The following EPB41L4A variants were observed in gnomAD, a reference collection of about 807,000 sequenced individuals.
EPB41L4A encodes erythrocyte membrane protein band 4.1 like 4A.
Under a neutral mutation model 108.6 loss-of-function variants are expected in EPB41L4A, and 100 were observed. That is an observed-to-expected ratio of 0.92 (90% confidence interval 0.78 to 1.09). EPB41L4A has a LOEUF of 1.09. Ranked by LOEUF, EPB41L4A falls within the 50% of genes least tolerant of loss-of-function variation. EPB41L4A has a pLI of 0.00. For missense variants in EPB41L4A, 1,030 were observed against 842.7 expected, an observed-to-expected ratio of 1.22 and a Z score of -2.75; for synonymous variants, 319 against 289.0, an observed-to-expected ratio of 1.10 and a Z score of -1.05.
intron 1 of EPB41L4A, among the ~76,000 whole-genome samples, chr5:112,311,879 G>C (rs1472792949): frequency 5.3e-5 from 8 of 152,194 alleles, no homozygotes; most frequent in African/African-American, 9.6e-5. Context: ...TCTAGGCACA[G>C]AGAGAAACAG....
chr5:112,231,926 A>C (rs1748984386), intron 12 of EPB41L4A, among the ~76,000 whole-genome samples: 1 of 151,454 alleles, frequency 6.6e-6, no homozygotes, highest in Non-Finnish European at 1.5e-5. Context: ...TAAACACAGC[A>C]AGACCCCATC....
chr5:112,293,106 G>A (rs1414995032), intron 2 of EPB41L4A, among the ~76,000 whole-genome samples: 1 of 151,932 alleles, frequency 6.6e-6, no homozygotes, highest in Non-Finnish European at 1.5e-5. Context: ...ATGGATATAT[G>A]GATATATATA....
intron 2 of EPB41L4A, among the ~76,000 whole-genome samples, chr5:112,288,033 G>A (rs749018197): frequency 1.1e-4 from 17 of 152,188 alleles, no homozygotes; most frequent in Non-Finnish European, 2.9e-5. Flanking sequence ...GGCAAACAAT[G>A]CTGCAATTAA....
At chr5:112,270,392 G>C (rs1052567782) in intron 4 of EPB41L4A, among the ~76,000 whole-genome samples, 2 of 152,148 alleles carry the variant, frequency 1.3e-5, no homozygotes, top group African/African-American at 2.4e-5. Context: ...CAGGAACACA[G>C]CATTTTATCT....
At chr5:112,289,778 G>T (rs1391484013) in intron 2 of EPB41L4A, among the ~76,000 whole-genome samples, 2 of 152,182 alleles carry the variant, frequency 1.3e-5, no homozygotes, top group Non-Finnish European at 2.9e-5. Flanking sequence ...ACACTAAGTA[G>T]AACAGACATG....
At chr5:112,237,611 G>T (rs932637449) in intron 11 of EPB41L4A, among the ~76,000 whole-genome samples, 1 of 152,158 alleles carries the variant, frequency 6.6e-6, no homozygotes, top group Non-Finnish European at 1.5e-5. Flanking sequence ...AGGGTGAAAG[G>T]AAGAGAATGT....
In EPB41L4A at chr5:112,403,182, C is replaced by G. The variant is rs182336256; in HGVS notation, c.99+15759G>C. Among the ~76,000 whole-genome samples the G allele has an allele frequency of 1.8e-3, 267 of 152,130 alleles. 1 individual carries two copies. Among genetic ancestry groups the G allele is most frequent in the Middle Eastern group, 6.8e-3 (2 of 294 alleles). Reference sequence around the variant, plus strand: ...GAGGCTGGTTTCCTTTATAGCTGTTCTCTGGGAATCTGTGTCTGTTTCTAT... The same window carrying G: ...GAGGCTGGTTTCCTTTATAGCTGTTGTCTGGGAATCTGTGTCTGTTTCTAT... On this transcript the variant is annotated intron_variant, in intron 1 of 22. Coordinates refer to ENST00000261486, the MANE Select transcript of EPB41L4A (RefSeq NM_022140.5).
chr5:112,152,403 T>C (rs1418696017), intron 12 of EPB41L4A, among the ~76,000 whole-genome samples: 1 of 152,198 alleles, frequency 6.6e-6, no homozygotes, highest in East Asian at 1.9e-4. Context: ...CCAAAATTCG[T>C]ATGTTGAAAT....
intron 12 of EPB41L4A, 61 bp from the exon 13 acceptor site, chr5:112,210,043 A>G: frequency 9.9e-7 from 1 of 1,012,766 alleles, no homozygotes; most frequent in Admixed American, 2.3e-5. Context: ...GAAATGAAAG[A>G]AACAGAAGAC....
At chr5:112,197,446 T>A (rs2150274473) in intron 15 of EPB41L4A, among the ~76,000 whole-genome samples, 1 of 152,330 alleles carries the variant, frequency 6.6e-6, no homozygotes, top group Non-Finnish European at 1.5e-5. Flanking sequence ...GGGGTCACTA[T>A]TTAGCATAAA....
chr5:112,281,256 A>G (rs561508390), intron 2 of EPB41L4A, among the ~76,000 whole-genome samples: 9 of 152,232 alleles, frequency 5.9e-5, no homozygotes, highest in Non-Finnish European at 1.0e-4. Context: ...ATTCAAATTA[A>G]CAGTTAATGA....
rs1271035220 is a variant in EPB41L4A, at chr5:112,163,423, G to A, written c.*1567C>T. ...AAACCTTAAGGCCATGGGTATAAAT[G>A]AGATCTGCTGGTGGTAGAGGAAGAG... On this transcript the variant is annotated 3_prime_UTR_variant, in exon 23 of 23. Coordinates refer to ENST00000261486, the MANE Select transcript of EPB41L4A (RefSeq NM_022140.5). 6.6e-6 allele frequency: 1 copy of A among 152,226 alleles called. No individual in the cohort carries two copies. The highest frequency in any genetic ancestry group is 1.5e-5 in the Non-Finnish European group (1 of 68,048). The allele number at this position is 152,226 out of a possible 1,614,324, so 9.4% of individuals were successfully genotyped here. A position where few individuals can be genotyped will look rare whatever the true frequency, so the allele number is the denominator to read the frequency against.
At chr5:112,373,959 A>C (rs116330598) in intron 1 of EPB41L4A, among the ~76,000 whole-genome samples, 768 of 152,352 alleles carry the variant, frequency 5.0e-3, no homozygotes, top group African/African-American at 0.018. Flanking sequence ...AGAAGAGAAA[A>C]CATTCATTTT....
chr5:112,287,081 T>A (rs572260845), intron 2 of EPB41L4A, among the ~76,000 whole-genome samples: 2 of 152,324 alleles, frequency 1.3e-5, no homozygotes, highest in South Asian at 4.1e-4. Flanking sequence ...CAGGAAAGGC[T>A]GGACTGCTTA....
intron 1 of EPB41L4A, among the ~76,000 whole-genome samples, chr5:112,353,891 C>G (rs1474360): frequency 0.67 from 102,011 of 152,000 alleles, 34,465 homozygotes; most frequent in South Asian, 0.83. Flanking sequence ...TTTGGGCACT[C>G]GGAGAGGTGG....
intron 1 of EPB41L4A, among the ~76,000 whole-genome samples, chr5:112,308,845 C>G (rs1428710053): frequency 1.3e-5 from 2 of 152,126 alleles, no homozygotes; most frequent in Non-Finnish European, 2.9e-5. Flanking sequence ...TTCCCCGCAC[C>G]CTTGCCAACA....
At chr5:112,337,607 C>T (rs1245560553) in intron 1 of EPB41L4A, among the ~76,000 whole-genome samples, 2 of 152,134 alleles carry the variant, frequency 1.3e-5, no homozygotes, top group South Asian at 2.1e-4. Flanking sequence ...AGTGGGAGGA[C>T]AGCATAACCC....
At chr5:112,270,868 A>C (rs980856092) in intron 4 of EPB41L4A, among the ~76,000 whole-genome samples, 3 of 152,250 alleles carry the variant, frequency 2.0e-5, no homozygotes, top group Admixed American at 2.0e-4. Flanking sequence ...TTAAAAGCTA[A>C]GAAAAAAATC....
Position 112,255,184 on chromosome 5 carries a change from C to G in EPB41L4A, c.795+4045G>C, listed in dbSNP as rs148904090. The stretch of plus-strand genomic sequence containing the variant: ...CCCTCCTCATATGTTGATGCTGGCA[C>G]AGTACCTGCCAGCTATATTTCTGTT... On this transcript the variant is annotated intron_variant, in intron 9 of 22. Coordinates refer to ENST00000261486, the MANE Select transcript of EPB41L4A (RefSeq NM_022140.5). Among the ~76,000 whole-genome samples, 273 of 152,216 alleles carry G rather than the reference C, an allele frequency of 1.8e-3. 2 individuals carry two copies. Among genetic ancestry groups the G allele is most frequent in the African/African-American group, 6.5e-3 (268 of 41,530 alleles).
Sources: gnomAD v4.1 joint callset for allele counts (sites outside exome capture counted in the v4.1 genomes callset) on GRCh38, gnomAD v4.1.1 for gene constraint, MANE v1.5 for transcripts, NCBI Gene and HGNC (gene_info 2026-07-23, HGNC 2026-07-21) for gene names.